The following KCNIP4 variants were observed in gnomAD, a reference collection of about 807,000 sequenced individuals.
KCNIP4 encodes the protein potassium voltage-gated channel interacting protein 4, also known as Kv channel-interacting protein 4.
Under a neutral mutation model 34.0 loss-of-function variants are expected in KCNIP4, and 12 were observed. The ratio of observed to expected loss-of-function variants is 0.35; its 90% CI spans 0.23 to 0.57. KCNIP4 has a LOEUF of 0.57. Ranked by LOEUF, KCNIP4 falls within the 20% of genes least tolerant of loss-of-function variation. The pLI is 0.83. For missense variants in KCNIP4, 238 were observed against 311.7 expected (o/e 0.76, Z 1.78); for synonymous variants, 124 against 102.2 (o/e 1.21, Z -1.29).
intron 1 of KCNIP4, among the ~76,000 whole-genome samples, chr4:21,521,920 A>G (rs1355243388): frequency 6.6e-6 from 1 of 151,340 alleles, no homozygotes; most frequent in East Asian, 2.0e-4. Context: ...AGAGCATTGT[A>G]ATAAAAAAAA....
At chr4:20,879,195 G>T (rs1302087186) in intron 2 of KCNIP4, among the ~76,000 whole-genome samples, 2 of 152,106 alleles carry the variant, frequency 1.3e-5, no homozygotes, top group Non-Finnish European at 2.9e-5. Flanking sequence ...CACAGCCAAG[G>T]TACTGCTGAC....
At chr4:21,732,685 G>GT (rs11449815) in intron 1 of KCNIP4, among the ~76,000 whole-genome samples, 78,507 of 151,708 alleles carry the variant, frequency 0.52, 22,551 homozygotes, top group East Asian at 0.78. Context: ...GGGGTATTCG[G>GT]TCTTGCCTCA....
intron 1 of KCNIP4, among the ~76,000 whole-genome samples, chr4:21,938,689 A>T (rs1218900511): frequency 1.3e-5 from 2 of 152,124 alleles, no homozygotes; most frequent in African/African-American, 4.8e-5. Context: ...GCACCTACTG[A>T]TATCCTTCAT....
intron 1 of KCNIP4, among the ~76,000 whole-genome samples, chr4:21,562,934 G>C (rs1739579048): frequency 6.6e-6 from 1 of 151,956 alleles, no homozygotes. Context: ...AATATCTTTT[G>C]CAATTATCTT....
intron 1 of KCNIP4, chr4:21,762,782 A>G (rs1718147300): frequency 1.6e-5 from 8 of 491,416 alleles, no homozygotes; most frequent in South Asian, 9.1e-5. Context: ...CATCAAAACC[A>G]TCTTCCAGTC....
At chr4:21,671,813 C>T (rs1749522045) in intron 1 of KCNIP4, among the ~76,000 whole-genome samples, 1 of 152,012 alleles carries the variant, frequency 6.6e-6, no homozygotes, top group African/African-American at 2.4e-5. Flanking sequence ...TTTTAAATGA[C>T]CAGTGATTCC....
intron 1 of KCNIP4, among the ~76,000 whole-genome samples, chr4:21,484,814 T>C (rs1040301325): frequency 6.6e-6 from 1 of 152,150 alleles, no homozygotes; most frequent in African/African-American, 2.4e-5. Flanking sequence ...CACAGGAACT[T>C]TAACATTTTG....
chr4:20,991,950 G>A (rs1448714311), intron 1 of KCNIP4, among the ~76,000 whole-genome samples: 1 of 152,158 alleles, frequency 6.6e-6, no homozygotes, highest in Admixed American at 6.5e-5. Flanking sequence ...TGACTTGGGT[G>A]TCCTCAGAGC....
chr4:21,286,916 T>A (rs2109190450), intron 1 of KCNIP4, among the ~76,000 whole-genome samples: 1 of 152,280 alleles, frequency 6.6e-6, no homozygotes, highest in East Asian at 1.9e-4. Flanking sequence ...CTCGGAAATG[T>A]AATTGAGAGG....
At chr4:20,849,845 G>A (rs1720813281) in intron 3 of KCNIP4, among the ~76,000 whole-genome samples, 1 of 152,218 alleles carries the variant, frequency 6.6e-6, no homozygotes, top group African/African-American at 2.4e-5. Context: ...CTTAAGGATA[G>A]AAGTGTATCT....
At position 21,365,478 on chromosome 4, in the gene KCNIP4, AAAATAAAT is replaced by A. The variant is rs3048729; in HGVS notation, c.62-482777_62-482770del. On this transcript the variant is annotated intron_variant, in intron 1 of 8. Coordinates refer to ENST00000382152, the MANE Select transcript of KCNIP4 (RefSeq NM_025221.6). The stretch of plus-strand genomic sequence containing the variant: ...GGATAACAGAGTGAGACTGTCTCAA[AAAATAAAT>A]AAATAAATAAATAAATAAATAAATA... Among the ~76,000 whole-genome samples the A allele has an allele frequency of 9.8e-3, 1,298 of 132,098 alleles. 32 individuals are homozygous for A. Among genetic ancestry groups the A allele is most frequent in the Admixed American group, 0.051 (630 of 12,366 alleles). 86.7% of individuals were successfully genotyped at this position (132,098 alleles called of 152,430 possible).
intron 1 of KCNIP4, among the ~76,000 whole-genome samples, chr4:21,513,253 T>A (rs181697987): frequency 1.3e-5 from 2 of 152,338 alleles, no homozygotes; most frequent in East Asian, 3.9e-4. Context: ...TACCTCCACA[T>A]GTGGCTTGGG....
intron 1 of KCNIP4, among the ~76,000 whole-genome samples, chr4:21,370,095 G>A (rs111803831): frequency 0.58 from 85,389 of 146,772 alleles, 27,281 homozygotes; most frequent in Non-Finnish European, 0.63. Flanking sequence ...CCGAAGTGCT[G>A]GGATTACAGG....
intron 1 of KCNIP4, among the ~76,000 whole-genome samples, chr4:21,424,077 C>G (rs1480792804): frequency 6.6e-6 from 1 of 151,346 alleles, no homozygotes. Flanking sequence ...CCTTGGCCTC[C>G]CAAAGTGCTG....
At chr4:21,640,538 C>G (rs938531621) in intron 1 of KCNIP4, among the ~76,000 whole-genome samples, 1 of 152,132 alleles carries the variant, frequency 6.6e-6, no homozygotes, top group African/African-American at 2.4e-5. Flanking sequence ...GAAAGCAGTT[C>G]TAGCATTTCA....
intron 1 of KCNIP4, among the ~76,000 whole-genome samples, chr4:20,932,249 A>G (rs1222209459): frequency 1.0e-5 from 1 of 97,106 alleles, no homozygotes; most frequent in Non-Finnish European, 1.9e-5. Flanking sequence ...ATAGTCTATA[A>G]CAGTCTAATA....
At chr4:21,507,982 C>T (rs1733985815) in intron 1 of KCNIP4, among the ~76,000 whole-genome samples, 3 of 152,042 alleles carry the variant, frequency 2.0e-5, no homozygotes, top group Non-Finnish European at 4.4e-5. Flanking sequence ...CTTTTTATCC[C>T]CAGAAGGCTT....
chr4:20,740,078 G>A (rs879587728), intron 5 of KCNIP4, among the ~76,000 whole-genome samples: 5 of 152,226 alleles, frequency 3.3e-5, no homozygotes, highest in Admixed American at 2.6e-4. Flanking sequence ...GGAAATATGG[G>A]ACTATGTGAA....
chr4:20,792,592 T>C (rs1318019495), intron 3 of KCNIP4, among the ~76,000 whole-genome samples: 1 of 152,034 alleles, frequency 6.6e-6, no homozygotes, highest in Non-Finnish European at 1.5e-5. Flanking sequence ...GCTGAAAACA[T>C]TAAACCACTC....
Sources: gnomAD v4.1 joint callset for allele counts (sites outside exome capture counted in the v4.1 genomes callset) on GRCh38, gnomAD v4.1.1 for gene constraint, MANE v1.5 for transcripts, NCBI Gene and HGNC (gene_info 2026-07-23, HGNC 2026-07-21) for gene names.